Variants in CPNE8 observed in about 807,000 individuals in gnomAD.
The protein encoded by CPNE8 is copine 8.
CPNE8 carries 45 observed loss-of-function variants against 81.5 expected under a neutral mutation model. That is an observed-to-expected ratio of 0.55 (90% CI 0.44 to 0.71). The LOEUF (loss-of-function observed/expected upper bound fraction) is 0.71. Among genes scored for constraint, CPNE8 ranks in the 30% least tolerant of loss-of-function variants. CPNE8 has a pLI of 0.00. For synonymous variants in CPNE8, 252 were observed against 226.3 expected, an observed-to-expected ratio of 1.11 and a Z score of -1.02; for missense variants, 594 against 672.1, an observed-to-expected ratio of 0.88 and a Z score of 1.28.
intron 8 of CPNE8, among the ~76,000 whole-genome samples, chr12:38,763,529 T>C (rs922503854): frequency 2.0e-5 from 3 of 152,178 alleles, no homozygotes; most frequent in African/African-American, 7.2e-5. Context: ...TCTAAACTAT[T>C]GGTTCTATAT....
chr12:38,797,459 C>A (rs74397878), intron 6 of CPNE8, among the ~76,000 whole-genome samples: 1 of 152,166 alleles, frequency 6.6e-6, no homozygotes, highest in African/African-American at 2.4e-5. Context: ...GGACCTCCAG[C>A]AAACTCCAAC....
intron 18 of CPNE8, among the ~76,000 whole-genome samples, chr12:38,675,065 C>T (rs574688347): frequency 6.6e-6 from 1 of 152,304 alleles, no homozygotes; most frequent in Admixed American, 6.5e-5. Context: ...GTTACACAAA[C>T]ATTTGTCTCT....
intron 5 of CPNE8, among the ~76,000 whole-genome samples, chr12:38,838,309 A>G (rs1163986252): frequency 1.3e-5 from 2 of 152,134 alleles, no homozygotes; most frequent in African/African-American, 2.4e-5. Flanking sequence ...GAGAAAAGAC[A>G]TGGTAAAAAG....
At chr12:38,746,559 A>T (rs890747964) in intron 10 of CPNE8, among the ~76,000 whole-genome samples, 1 of 152,232 alleles carries the variant, frequency 6.6e-6, no homozygotes, top group Non-Finnish European at 1.5e-5. Context: ...GTTTCTTAAC[A>T]TGATATTGAG....
At chr12:38,654,459 G>A (rs1170984195) in intron 19 of CPNE8, among the ~76,000 whole-genome samples, 1 of 142,824 alleles carries the variant, frequency 7.0e-6, no homozygotes, top group East Asian at 2.1e-4. Context: ...AGGTTGCAGT[G>A]AGCCGAGATC....
intron 19 of CPNE8, among the ~76,000 whole-genome samples, chr12:38,662,781 T>TA (rs1938987134): frequency 6.6e-6 from 1 of 152,024 alleles, no homozygotes; most frequent in Non-Finnish European, 1.5e-5. Context: ...GGCACTGGCA[T>TA]AAAAACAGAC....
At chr12:38,882,372 G>A (rs1335075167) in intron 1 of CPNE8, among the ~76,000 whole-genome samples, 1 of 152,146 alleles carries the variant, frequency 6.6e-6, no homozygotes, top group Admixed American at 6.5e-5. Context: ...AGAATGGATT[G>A]TCCACTAGAG....
intron 4 of CPNE8, among the ~76,000 whole-genome samples, chr12:38,840,297 T>G (rs183771281): frequency 6.6e-6 from 1 of 152,300 alleles, no homozygotes; most frequent in Admixed American, 6.5e-5. Flanking sequence ...CTGTGCAACT[T>G]ACTTCAAAAT....
intron 5 of CPNE8, among the ~76,000 whole-genome samples, chr12:38,835,842 A>G (rs748897281): frequency 1.3e-5 from 2 of 152,192 alleles, no homozygotes; most frequent in African/African-American, 4.8e-5. Context: ...CTAGTGTACA[A>G]AATAATCCAG....
chr12:38,727,851 G>A (rs1469363129), intron 11 of CPNE8, among the ~76,000 whole-genome samples: 1 of 152,148 alleles, frequency 6.6e-6, no homozygotes, highest in African/African-American at 2.4e-5. Flanking sequence ...GGAAGATCTA[G>A]GGAATTCTTA....
At chr12:38,884,356 G>A (rs1465804297) in intron 1 of CPNE8, among the ~76,000 whole-genome samples, 2 of 152,164 alleles carry the variant, frequency 1.3e-5, no homozygotes, top group East Asian at 3.8e-4. Context: ...ATTCAGCCAT[G>A]TTGTAGTATC....
intron 1 of CPNE8, among the ~76,000 whole-genome samples, chr12:38,889,913 T>C (rs906751814): frequency 3.4e-4 from 51 of 152,210 alleles, no homozygotes; most frequent in Admixed American, 3.3e-3. Context: ...TAGTCCCTTG[T>C]AGGAAAGCAA....
At chr12:38,851,977 T>C (rs1943654048) in intron 3 of CPNE8, among the ~76,000 whole-genome samples, 1 of 152,192 alleles carries the variant, frequency 6.6e-6, no homozygotes, top group Non-Finnish European at 1.5e-5. Flanking sequence ...AACCCCATCC[T>C]TGAATGGCTG....
At chr12:38,690,688 G>A (rs1761572358) in intron 15 of CPNE8, among the ~76,000 whole-genome samples, 1 of 152,068 alleles carries the variant, frequency 6.6e-6, no homozygotes, top group African/African-American at 2.4e-5. Flanking sequence ...AAGTGGAGGG[G>A]AGGAAAAAGG....
chr12:38,798,425 C>A lies in CPNE8; in HGVS notation c.408-22124G>T, dbSNP rs377241404. ...TTCTTAAAGAAAAGAATTTTCAACC[C>A]AGAATTTCATATCCAGCCAAACTAA... On this transcript the variant is annotated intron_variant, in intron 6 of 19. Coordinates refer to ENST00000331366, the MANE Select transcript of CPNE8 (RefSeq NM_153634.3). Among the ~76,000 whole-genome samples the A allele has an allele frequency of 3.0e-4, 46 of 152,132 alleles. No homozygotes were observed. The East Asian group carries it at 4.1e-3, about 13-fold the overall frequency.
chr12:38,689,662 A>T (rs1197049280), intron 15 of CPNE8, among the ~76,000 whole-genome samples: 1 of 152,248 alleles, frequency 6.6e-6, no homozygotes, highest in African/African-American at 2.4e-5. Flanking sequence ...ATACATTTGT[A>T]TAAATGCCAA....
At chr12:38,861,321 C>T (rs1200907047) in intron 3 of CPNE8, among the ~76,000 whole-genome samples, 2 of 152,080 alleles carry the variant, frequency 1.3e-5, no homozygotes, top group Non-Finnish European at 2.9e-5. Flanking sequence ...GTTAATAATA[C>T]TGTACTGTAC....
At chr12:38,792,528 T>G (rs1222276105) in intron 6 of CPNE8, among the ~76,000 whole-genome samples, 1 of 151,490 alleles carries the variant, frequency 6.6e-6, no homozygotes, top group Non-Finnish European at 1.5e-5. Flanking sequence ...GACTGGATCA[T>G]GAAAAAATAG....
At chr12:38,863,177 A>T (rs913656811) in intron 3 of CPNE8, among the ~76,000 whole-genome samples, 1 of 152,222 alleles carries the variant, frequency 6.6e-6, no homozygotes, top group Non-Finnish European at 1.5e-5. Context: ...GAAAGTACAC[A>T]TGGCATACGT....
Sources: allele counts gnomAD v4.1 joint callset (sites outside exome capture counted in the v4.1 genomes callset), GRCh38; gene constraint gnomAD v4.1.1; transcripts MANE v1.5; gene names NCBI Gene and HGNC (gene_info 2026-07-23, HGNC 2026-07-21).